MARCHF1: variants seen among roughly 807,000 people sequenced by gnomAD.
The protein encoded by MARCHF1 is membrane associated ring-CH-type finger 1, also known as E3 ubiquitin-protein ligase MARCHF1.
Under a neutral mutation model 54.2 loss-of-function variants are expected in MARCHF1, and 40 were observed. The ratio of observed to expected loss-of-function variants is 0.74; its 90% CI spans 0.57 to 0.96. The LOEUF (loss-of-function observed/expected upper bound fraction) is 0.96. MARCHF1 is among the 40% of genes least tolerant of loss of function. The probability of loss-of-function intolerance (pLI) is 0.00; values close to 1 mark genes in which losing one functional copy is unlikely to be tolerated. For missense variants in MARCHF1, 586 were observed against 656.5 expected, an observed-to-expected ratio of 0.89 and a Z score of 1.17; for synonymous variants, 236 against 236.3, an observed-to-expected ratio of 1.00 and a Z score of 0.01.
chr4:163,712,427 T>C lies in MARCHF1; in HGVS notation c.112-11564A>G, dbSNP rs1745132448. Among the ~76,000 whole-genome samples the C allele has an allele frequency of 2.0e-5, 3 of 152,190 alleles. 1 individual carries two copies. The highest frequency in any genetic ancestry group is 2.1e-4 in the South Asian group (1 of 4,836). On this transcript the variant is annotated intron_variant, in intron 4 of 9. Transcript: ENST00000514618. ...TAAAATTTAAAAATACTAGATACTTTGTGATTCAAACAAAATAAATGTTGA... is the reference window on the plus strand; with the variant it reads ...TAAAATTTAAAAATACTAGATACTTCGTGATTCAAACAAAATAAATGTTGA...
intron 2 of MARCHF1, among the ~76,000 whole-genome samples, chr4:164,098,034 A>G (rs1048403322): frequency 4.6e-5 from 7 of 152,132 alleles, no homozygotes; most frequent in Non-Finnish European, 8.8e-5. Flanking sequence ...AGCTTCTACC[A>G]TGGGATATCT....
At chr4:163,597,155 G>A (rs779868884) in intron 7 of MARCHF1, among the ~76,000 whole-genome samples, 1 of 151,852 alleles carries the variant, frequency 6.6e-6, no homozygotes. Context: ...ACGCGGTTTC[G>A]CCATGTTGGC....
At chr4:163,618,902 G>A (rs985920373) in intron 5 of MARCHF1, among the ~76,000 whole-genome samples, 11 of 151,210 alleles carry the variant, frequency 7.3e-5, no homozygotes, top group East Asian at 5.9e-4. Flanking sequence ...CACATCTAAC[G>A]TAGAGTAGAA....
intron 1 of MARCHF1, among the ~76,000 whole-genome samples, chr4:164,244,964 C>G (rs1489880753): frequency 2.0e-5 from 3 of 152,076 alleles, no homozygotes; most frequent in Non-Finnish European, 4.4e-5. Flanking sequence ...TGGCAATAAT[C>G]AATAGCTTAC....
At chr4:164,344,855 G>A (rs1390764739) in intron 1 of MARCHF1, among the ~76,000 whole-genome samples, 1 of 152,154 alleles carries the variant, frequency 6.6e-6, no homozygotes, top group East Asian at 1.9e-4. Context: ...AGAAACTGAA[G>A]ATTAGACTAA....
rs60252263 is a variant in MARCHF1, at chr4:163,725,478, C to CA, written c.112-24616dup. 1.5e-3 allele frequency among the ~76,000 whole-genome samples: 180 copies of CA among 120,470 alleles called. 1 individual carries two copies. The highest frequency in any genetic ancestry group is 3.2e-3 in the African/African-American group (104 of 32,872). 79.0% of individuals were successfully genotyped at this position (120,470 alleles called of 152,430 possible). On this transcript the variant is annotated intron_variant, in intron 4 of 9. Transcript: ENST00000514618. ...GTGCAACAGAGTGAGACACTATCTCCAAAAAAAAAAAAGTAATAATAACAA... is the reference window on the plus strand; with the variant it reads ...GTGCAACAGAGTGAGACACTATCTCCAAAAAAAAAAAAAGTAATAATAACAA...
chr4:164,199,256 C>A (rs915920648), intron 1 of MARCHF1, among the ~76,000 whole-genome samples: 2 of 152,214 alleles, frequency 1.3e-5, no homozygotes, highest in African/African-American at 4.8e-5. Context: ...TCAACATTTT[C>A]TTTTATATAG....
chr4:163,750,355 C>T (rs1184786761), intron 4 of MARCHF1, among the ~76,000 whole-genome samples: 2 of 151,230 alleles, frequency 1.3e-5, no homozygotes, highest in Non-Finnish European at 3.0e-5. Context: ...AATAAAAATA[C>T]AAAAAATTAG....
At chr4:164,120,549 C>G (rs960015715) in intron 1 of MARCHF1, among the ~76,000 whole-genome samples, 1 of 152,030 alleles carries the variant, frequency 6.6e-6, no homozygotes, top group Non-Finnish European at 1.5e-5. Context: ...TTCCTCAGCA[C>G]GTGGATCATT....
At chr4:163,945,637 A>G (rs1166104613) in intron 3 of MARCHF1, among the ~76,000 whole-genome samples, 1 of 152,140 alleles carries the variant, frequency 6.6e-6, no homozygotes, top group Non-Finnish European at 1.5e-5. Flanking sequence ...GCAACTCAAT[A>G]TTTTGCATAT....
chr4:164,315,765 T>C (rs572665273), intron 1 of MARCHF1, among the ~76,000 whole-genome samples: 1 of 152,154 alleles, frequency 6.6e-6, no homozygotes, highest in Non-Finnish European at 1.5e-5. Context: ...TCCCTATGGA[T>C]CATAACTAGG....
At chr4:164,046,459 C>A (rs1388164281) in intron 2 of MARCHF1, among the ~76,000 whole-genome samples, 1 of 152,146 alleles carries the variant, frequency 6.6e-6, no homozygotes, top group Non-Finnish European at 1.5e-5. Flanking sequence ...CCAATGATAA[C>A]CATTATTTTA....
chr4:163,860,197 A>G (rs1403217591), intron 3 of MARCHF1, among the ~76,000 whole-genome samples: 2 of 152,214 alleles, frequency 1.3e-5, no homozygotes, highest in African/African-American at 4.8e-5. Flanking sequence ...AAGTTGATGG[A>G]GCCCTAACGG....
intron 4 of MARCHF1, among the ~76,000 whole-genome samples, chr4:163,715,087 G>A (rs560303718): frequency 6.6e-6 from 1 of 152,286 alleles, no homozygotes; most frequent in East Asian, 1.9e-4. Flanking sequence ...AAGATAAAAC[G>A]CCATTAAATG....
intron 2 of MARCHF1, among the ~76,000 whole-genome samples, chr4:164,092,443 G>A (rs1755324892): frequency 6.6e-6 from 1 of 152,172 alleles, no homozygotes; most frequent in East Asian, 1.9e-4. Flanking sequence ...GCTGACTGAG[G>A]GCTCAGTTAA....
chr4:164,310,303 C>G (rs1465422373), intron 1 of MARCHF1, among the ~76,000 whole-genome samples: 1 of 152,072 alleles, frequency 6.6e-6, no homozygotes, highest in African/African-American at 2.4e-5. Flanking sequence ...GTCTTGATCT[C>G]TTGACCTCAT....
chr4:164,040,301 T>C (rs979355286), intron 2 of MARCHF1, among the ~76,000 whole-genome samples: 2 of 123,368 alleles, frequency 1.6e-5, no homozygotes, highest in Non-Finnish European at 3.3e-5. Flanking sequence ...TATCTATAAG[T>C]ACATATACTT....
At chr4:163,539,405 TAG>T (rs1317360592) in intron 9 of MARCHF1, among the ~76,000 whole-genome samples, 1 of 152,158 alleles carries the variant, frequency 6.6e-6, no homozygotes, top group African/African-American at 2.4e-5. Flanking sequence ...ATATGGTTGT[TAG>T]TGTGAGTTAA....
intron 5 of MARCHF1, among the ~76,000 whole-genome samples, chr4:163,616,045 T>A (rs1428869051): frequency 6.6e-6 from 1 of 152,148 alleles, no homozygotes; most frequent in Non-Finnish European, 1.5e-5. Flanking sequence ...ACTTCTATCT[T>A]TCACTATATA....
Sources: gnomAD v4.1 joint callset for allele counts (sites outside exome capture counted in the v4.1 genomes callset) on GRCh38, gnomAD v4.1.1 for gene constraint, MANE v1.5 for transcripts, NCBI Gene and HGNC (gene_info 2026-07-23, HGNC 2026-07-21) for gene names.